Variants in FAAH2 observed in about 807,000 individuals in gnomAD.
FAAH2 encodes fatty-acid amide hydrolase 2.
In FAAH2, 60 loss-of-function variants were observed where a neutral mutation model predicts 36.9. That is an observed-to-expected ratio of 1.63 (90% CI 1.32 to 2.02). FAAH2 has a LOEUF of 2.02. Among genes scored for constraint, FAAH2 ranks in the 30% most tolerant of loss-of-function variants. The pLI is 0.00. For synonymous variants in FAAH2, 214 were observed against 143.8 expected, an observed-to-expected ratio of 1.49 and a Z score of -3.49; for missense variants, 689 against 397.5, an observed-to-expected ratio of 1.73 and a Z score of -6.23.
chrX:57,383,546 C>G (rs1010992140), intron 7 of FAAH2, among the ~76,000 whole-genome samples: 2 of 111,460 alleles, frequency 1.8e-5, no homozygotes, highest in Admixed American at 1.9e-4. Flanking sequence ...AACAGAGAAC[C>G]AAATCATGAG....
intron 3 of FAAH2, among the ~76,000 whole-genome samples, chrX:57,322,090 C>T (rs7058676): frequency 0.36 from 39,111 of 108,881 alleles, 6,185 homozygotes; most frequent in Middle Eastern, 0.6. Flanking sequence ...GCAAGCTCTG[C>T]CTCCCGGGTT....
intron 8 of FAAH2, among the ~76,000 whole-genome samples, chrX:57,443,899 G>A (rs1396047085): frequency 1.8e-5 from 2 of 112,087 alleles, no homozygotes; most frequent in East Asian, 2.8e-4. Flanking sequence ...GTTTGCCTGG[G>A]TATCACCAGC....
the FAAH2 span, among the ~76,000 whole-genome samples, chrX:57,278,205 G>T: frequency 9.0e-6 from 1 of 111,560 alleles, no homozygotes; most frequent in Non-Finnish European, 1.9e-5. Context: ...AAACAGCATG[G>T]TACTGGTAAC....
At chrX:57,404,811 T>C (rs1460992921) in intron 7 of FAAH2, among the ~76,000 whole-genome samples, 1 of 111,827 alleles carries the variant, frequency 8.9e-6, no homozygotes, top group Admixed American at 9.4e-5. Context: ...GAGGTATGGG[T>C]CAGAAGGAAA....
intron 3 of FAAH2, among the ~76,000 whole-genome samples, chrX:57,317,843 C>A (rs980588156): frequency 9.0e-6 from 1 of 111,702 alleles, no homozygotes; most frequent in African/African-American, 3.2e-5. Flanking sequence ...AATCAAATTA[C>A]AACTAAGGAT....
chrX:57,477,110 A>G (rs1253255512), intron 10 of FAAH2, among the ~76,000 whole-genome samples: 1 of 110,185 alleles, frequency 9.1e-6, no homozygotes, highest in Non-Finnish European at 1.9e-5. Flanking sequence ...ATTAGTCTAT[A>G]TAGTGATCTA....
intron 7 of FAAH2, among the ~76,000 whole-genome samples, chrX:57,401,914 G>A (rs1382421715): frequency 9.0e-6 from 1 of 111,336 alleles, no homozygotes; most frequent in East Asian, 2.8e-4. Flanking sequence ...AGACAAGCAT[G>A]TGAAAAGAGT....
the FAAH2 span, among the ~76,000 whole-genome samples, chrX:57,210,108 G>T: frequency 9.0e-6 from 1 of 110,731 alleles, no homozygotes; most frequent in Non-Finnish European, 1.9e-5. Flanking sequence ...CTTCTCAGTG[G>T]TGTAGAGTTA....
the FAAH2 span, among the ~76,000 whole-genome samples, chrX:57,181,836 G>A: frequency 1.8e-5 from 2 of 111,457 alleles, no homozygotes; most frequent in Admixed American, 9.5e-5. Context: ...TATACTATAG[G>A]GCTGCAATAA....
chrX:57,329,440 G>A (rs73224042), intron 3 of FAAH2, among the ~76,000 whole-genome samples: 1,264 of 110,559 alleles, frequency 0.011, 15 homozygotes, highest in Non-Finnish European at 0.019. Context: ...AGTTTCTGCC[G>A]GCAGCTGTTT....
the FAAH2 span, among the ~76,000 whole-genome samples, chrX:57,228,653 C>T: frequency 9.0e-6 from 1 of 111,259 alleles, no homozygotes; most frequent in African/African-American, 3.3e-5. Context: ...CTAGTCCTAC[C>T]TCCCATCAAA....
chrX:57,399,335 A>T (rs972472277), intron 7 of FAAH2, among the ~76,000 whole-genome samples: 2 of 111,846 alleles, frequency 1.8e-5, no homozygotes, highest in African/African-American at 6.5e-5. Flanking sequence ...GGGTGCTATC[A>T]ATGCCTAAGT....
the FAAH2 span, among the ~76,000 whole-genome samples, chrX:57,193,761 C>A: frequency 8.9e-6 from 1 of 112,035 alleles, no homozygotes; most frequent in Non-Finnish European, 1.9e-5. Context: ...TATCAAATAT[C>A]TTTTCAGCAT....
chrX:57,236,458 G>A, the FAAH2 span, among the ~76,000 whole-genome samples: 7 of 112,372 alleles, frequency 6.2e-5, no homozygotes, highest in African/African-American at 2.3e-4. Flanking sequence ...AATCCTAGCA[G>A]TAGTGTACAA....
intron 3 of FAAH2, among the ~76,000 whole-genome samples, chrX:57,324,145 G>A (rs1384052807): frequency 9.0e-6 from 1 of 111,554 alleles, no homozygotes; most frequent in Admixed American, 9.5e-5. Context: ...AAGATCATAT[G>A]TTTGTAGATA....
chrX:57,190,969 A>G, the FAAH2 span, among the ~76,000 whole-genome samples: 1 of 111,613 alleles, frequency 9.0e-6, no homozygotes, highest in Admixed American at 9.5e-5. Context: ...ATATCTTTTT[A>G]GTATACTGAT....
At chrX:57,180,474 T>C in the FAAH2 span, among the ~76,000 whole-genome samples, 3 of 111,513 alleles carry the variant, frequency 2.7e-5, no homozygotes, top group Non-Finnish European at 5.7e-5. Context: ...ATAACAATCA[T>C]ATTATTATGA....
At chrX:57,261,552 CAAAAAAAAAAAAAA>C in the FAAH2 span, among the ~76,000 whole-genome samples, 1 of 23,386 alleles carries the variant, frequency 4.3e-5, no homozygotes, top group African/African-American at 1.9e-4. Flanking sequence ...GACTCTGTCT[CAAAAAAAAAAAAAA>C]AAAAAAAAAG....
chrX:57,269,196 C>T, the FAAH2 span, among the ~76,000 whole-genome samples: 1 of 111,169 alleles, frequency 9.0e-6, no homozygotes, highest in African/African-American at 3.3e-5. Flanking sequence ...ATATATGCAC[C>T]CAACACAGGA....
Sources: allele counts gnomAD v4.1 joint callset (sites outside exome capture counted in the v4.1 genomes callset), GRCh38; gene constraint gnomAD v4.1.1; transcripts MANE v1.5; gene names NCBI Gene and HGNC (gene_info 2026-07-23, HGNC 2026-07-21).